NMBR: variants seen among roughly 807,000 people sequenced by gnomAD.
NMBR encodes neuromedin B receptor.
Under a neutral mutation model 20.5 loss-of-function variants are expected in NMBR, and 16 were observed. That is an observed-to-expected ratio of 0.78 (90% CI 0.53 to 1.19). The LOEUF is 1.19. Among genes scored for constraint, NMBR ranks in the 50% most tolerant of loss-of-function variants. The pLI is 0.00. For missense variants in NMBR, 582 were observed against 499.1 expected, an observed-to-expected ratio of 1.17 and a Z score of -1.58; for synonymous variants, 212 against 196.6, an observed-to-expected ratio of 1.08 and a Z score of -0.65.
rs66629528 is a variant in NMBR at position 142,088,902 on chromosome 6, T to TA, written c.-245dup. ...GCTCCGGCTAACTCTGAATTTAAAT[T>TA]AAAAAAAAAAAAAAAGCAAAGCGGT... is the stretch of plus-strand genomic sequence containing the variant. On this transcript the variant is annotated 5_prime_UTR_variant, in exon 2 of 4. Transcript: ENST00000258042. 0.011 allele frequency: 3,346 copies of TA among 312,418 alleles called. 4 individuals carry two copies. Among genetic ancestry groups the TA allele is most frequent in the Middle Eastern group, 0.014 (15 of 1,060 alleles). 19.4% of individuals were successfully genotyped at this position (312,418 alleles called of 1,614,324 possible). A position where few individuals can be genotyped will look rare whatever the true frequency, so the allele number is the denominator to read the frequency against.
intron 1 of NMBR, among the ~76,000 whole-genome samples, chr6:142,131,362 G>A (rs1324407344): frequency 1.3e-5 from 2 of 152,156 alleles, no homozygotes; most frequent in African/African-American, 2.4e-5. Flanking sequence ...CCATCAAGAG[G>A]TAGAAGATGT....
intron 1 of NMBR, among the ~76,000 whole-genome samples, chr6:142,146,414 T>C (rs1778436709): frequency 1.3e-5 from 2 of 152,086 alleles, no homozygotes; most frequent in African/African-American, 4.8e-5. Flanking sequence ...AAATAAAGTG[T>C]ACAGTCCTGA....
chr6:142,135,653 A>C (rs1450843263), intron 1 of NMBR, among the ~76,000 whole-genome samples: 11 of 126,872 alleles, frequency 8.7e-5, no homozygotes, highest in Admixed American at 3.3e-4. Flanking sequence ...CCCTCGCCCC[A>C]CCCCACAACA....
chr6:142,094,332 T>G (rs963341518), intron 1 of NMBR, among the ~76,000 whole-genome samples: 7 of 152,026 alleles, frequency 4.6e-5, no homozygotes, highest in African/African-American at 7.2e-5. Flanking sequence ...TTTGTATAAG[T>G]TGTAAGGAAG....
At chr6:142,090,500 A>G (rs1777303572) in intron 1 of NMBR, among the ~76,000 whole-genome samples, 1 of 151,406 alleles carries the variant, frequency 6.6e-6, no homozygotes, top group African/African-American at 2.4e-5. Flanking sequence ...CTGGAATTTC[A>G]CTACTTAAAA....
chr6:142,134,728 G>A, intron 1 of NMBR: 1 of 691,262 alleles, frequency 1.4e-6, no homozygotes, highest in Non-Finnish European at 2.6e-6. Flanking sequence ...TGGTTTCCAA[G>A]TAAAATCTCT....
At chr6:142,079,097 AG>A (rs368872285) in intron 2 of NMBR, among the ~76,000 whole-genome samples, 194 bp from the exon 3 acceptor site, 8 of 57,012 alleles carry the variant, frequency 1.4e-4, no homozygotes, top group African/African-American at 1.1e-3. Context: ...AGAGAGAAAG[AG>A]AGAGAGAGAA....
At chr6:142,106,804 G>C (rs1265005760) in intron 1 of NMBR, among the ~76,000 whole-genome samples, 2 of 152,202 alleles carry the variant, frequency 1.3e-5, no homozygotes, top group Non-Finnish European at 2.9e-5. Flanking sequence ...GAAAAATACA[G>C]TGCCCAAGTA....
At position 142,088,804 on chromosome 6, in the gene NMBR, T is replaced by A; in HGVS notation, c.-146A>T. 1 of 695,170 alleles carries A rather than the reference T, an allele frequency of 1.4e-6. No homozygotes were observed. The highest frequency in any genetic ancestry group is 1.8e-5 in the African/African-American group (1 of 55,286). 43.1% of individuals were successfully genotyped at this position (695,170 alleles called of 1,614,324 possible). On this transcript the variant is annotated 5_prime_UTR_variant, in exon 2 of 4. Coordinates refer to ENST00000258042, the MANE Select transcript of NMBR (RefSeq NM_002511.4). ...GCGGGGCAAGCCTCACAGCACCACG[T>A]CCCTAAGAGTTCAGGACCTGGGGAG...
intron 1 of NMBR, among the ~76,000 whole-genome samples, chr6:142,106,952 G>A (rs1020526312): frequency 1.3e-5 from 2 of 152,200 alleles, no homozygotes; most frequent in African/African-American, 2.4e-5. Context: ...CTTTATAGAA[G>A]TAAATTTCTT....
chr6:142,091,678 T>C (rs1582842201), intron 1 of NMBR, among the ~76,000 whole-genome samples: 2 of 152,244 alleles, frequency 1.3e-5, no homozygotes, highest in South Asian at 2.1e-4. Flanking sequence ...GAAAGAGACC[T>C]CATGAAACTG....
intron 2 of NMBR, among the ~76,000 whole-genome samples, chr6:142,081,580 C>CTCTAAT (rs1272438982): frequency 2.6e-5 from 4 of 152,118 alleles, no homozygotes; most frequent in African/African-American, 9.7e-5. Flanking sequence ...GTTGAAAATA[C>CTCTAAT]AGATTACTGA....
Position 142,088,451 on chromosome 6 carries a change from T to C in NMBR, c.208A>G (p.Thr70Ala). ...GGGACGCTCCTCATGGCGCTGTTGGTGATGAAGATCTTCACCAGCATGATG... is the reference window on the plus strand; with the variant it reads ...GGGACGCTCCTCATGGCGCTGTTGGCGATGAAGATCTTCACCAGCATGATG... ...GNIMLVKIFI[T>A]NSAMRSVPNI... The change falls in exon 2 of 4, where the codon ACC (threonine) becomes GCC (alanine). Residue 70 changes from threonine to alanine, a missense_variant. Physicochemically the swap from Thr to Ala is moderately conservative, Grantham distance 58. Transcript: ENST00000258042. 1 of 1,613,866 alleles carries C rather than the reference T, an allele frequency of 6.2e-7. No individual in the cohort carries two copies. The highest frequency in any genetic ancestry group is 8.5e-7 in the Non-Finnish European group (1 of 1,179,936).
At chr6:142,120,121 A>G (rs1295886149) in intron 1 of NMBR, among the ~76,000 whole-genome samples, 1 of 151,990 alleles carries the variant, frequency 6.6e-6, no homozygotes, top group Admixed American at 6.6e-5. Flanking sequence ...CCAGTTTAAG[A>G]GACTTTTGTG....
intron 1 of NMBR, among the ~76,000 whole-genome samples, 103 bp downstream of exon 1, chr6:142,146,941 T>C (rs1002006957): frequency 3.9e-5 from 6 of 152,342 alleles, no homozygotes; most frequent in Admixed American, 3.9e-4. Context: ...TTTCTCCCAG[T>C]CAACATACAT....
At chr6:142,090,751 T>C (rs986408469) in intron 1 of NMBR, among the ~76,000 whole-genome samples, 1 of 151,752 alleles carries the variant, frequency 6.6e-6, no homozygotes, top group African/African-American at 2.4e-5. Flanking sequence ...CTATACAGAA[T>C]AAATTACTAA....
rs765537316 is a variant in NMBR, at chr6:142,088,607, T to A, written c.52A>T (p.Ser18Cys). 1.2e-6 allele frequency: 2 copies of A among 1,610,434 alleles called. No homozygotes were observed. Among genetic ancestry groups the A allele is most frequent in the East Asian group, 4.5e-5 (2 of 44,820 alleles). The change falls in exon 2 of 4, where the codon AGC (serine) becomes TGC (cysteine). Residue 18 changes from serine (S) to cysteine (C), a missense_variant. Transcript: ENST00000258042. The part of the protein sequence containing the change: ...NLSVTTGANE[S>C]GSVPEGWERD... ...TCCCACCCCTCGGGAACGGAACCGC[T>A]CTCATTCGCGCCGGTGGTCACCGAG...
chr6:142,111,986 G>A (rs1777772685), intron 1 of NMBR, among the ~76,000 whole-genome samples: 1 of 152,046 alleles, frequency 6.6e-6, no homozygotes, highest in South Asian at 2.1e-4. Context: ...CTATTTAATT[G>A]CCACAATACA....
chr6:142,132,796 G>C (rs1296991943), intron 1 of NMBR, among the ~76,000 whole-genome samples: 1 of 152,166 alleles, frequency 6.6e-6, no homozygotes, highest in Non-Finnish European at 1.5e-5. Context: ...TCCATTTTTA[G>C]GTAATTGCAG....
Sources: gnomAD v4.1 joint callset for allele counts (sites outside exome capture counted in the v4.1 genomes callset) on GRCh38, gnomAD v4.1.1 for gene constraint, MANE v1.5 for transcripts, NCBI Gene and HGNC (gene_info 2026-07-23, HGNC 2026-07-21) for gene names.